The following CDH12 variants were observed in gnomAD, a reference collection of about 807,000 sequenced individuals.
The protein encoded by CDH12 is cadherin-12.
A neutral mutation model predicts 74.1 loss-of-function variants in CDH12; 41 were observed. The ratio of observed to expected loss-of-function variants is 0.55; its 90% CI spans 0.43 to 0.72. The LOEUF is 0.72. CDH12 is among the 30% of genes least tolerant of loss of function. The probability of loss-of-function intolerance (pLI) is 0.00; values close to 1 mark genes in which losing one functional copy is unlikely to be tolerated. For synonymous variants in CDH12, 399 were observed against 355.0 expected (o/e 1.12, Z -1.39); for missense variants, 945 against 977.2 (o/e 0.97, Z 0.44).
At chr5:21,817,270 T>C in intron 8 of CDH12, 138 bp from the exon 9 acceptor site, 2 of 553,350 alleles carry the variant, frequency 3.6e-6, no homozygotes, top group Non-Finnish European at 6.2e-6. Context: ...GGCAATTTGC[T>C]GTCAAGTTAA....
intron 4 of CDH12, among the ~76,000 whole-genome samples, chr5:22,189,558 A>C (rs921453908): frequency 3.9e-5 from 6 of 151,926 alleles, no homozygotes; most frequent in African/African-American, 1.5e-4. Flanking sequence ...ACATAAGTAG[A>C]TATTCGATCT....
intron 1 of CDH12, among the ~76,000 whole-genome samples, chr5:22,703,503 T>TC (rs1348707075): frequency 1.3e-5 from 2 of 152,112 alleles, no homozygotes; most frequent in Non-Finnish European, 1.5e-5. Context: ...AGCACCTTTT[T>TC]CCCCCAAAAT....
chr5:21,761,413 C>T (rs144527938), intron 12 of CDH12, among the ~76,000 whole-genome samples: 1 of 152,170 alleles, frequency 6.6e-6, no homozygotes, highest in African/African-American at 2.4e-5. Flanking sequence ...GGCTTTGAGG[C>T]ATTTATTTAT....
chr5:22,153,887 T>TATAA (rs1421687468), intron 4 of CDH12, among the ~76,000 whole-genome samples: 803 of 70,224 alleles, frequency 0.011, 17 homozygotes, highest in African/African-American at 0.032. Context: ...TATATATATA[T>TATAA]AAATATATAT....
At chr5:22,091,063 A>G (rs1743392924) in intron 4 of CDH12, among the ~76,000 whole-genome samples, 1 of 151,786 alleles carries the variant, frequency 6.6e-6, no homozygotes. Flanking sequence ...CGACATTCTA[A>G]TGGAGGTTTT....
chr5:22,021,826 G>T (rs1198876803), intron 5 of CDH12, among the ~76,000 whole-genome samples: 2 of 152,096 alleles, frequency 1.3e-5, no homozygotes, highest in South Asian at 2.1e-4. Context: ...ATGGACATGT[G>T]GCTGTCCACA....
At chr5:22,299,431 A>T (rs1220878516) in intron 3 of CDH12, among the ~76,000 whole-genome samples, 2 of 152,228 alleles carry the variant, frequency 1.3e-5, no homozygotes, top group African/African-American at 4.8e-5. Context: ...TTGCAGACAC[A>T]TTTGTAAAAA....
At chr5:22,502,024 C>T (rs1736178518) in intron 2 of CDH12, among the ~76,000 whole-genome samples, 1 of 152,092 alleles carries the variant, frequency 6.6e-6, no homozygotes, top group Non-Finnish European at 1.5e-5. Flanking sequence ...GTGAAAAGCT[C>T]ACTTCCAAAA....
intron 2 of CDH12, among the ~76,000 whole-genome samples, chr5:22,437,870 T>C (rs1324522520): frequency 6.6e-6 from 1 of 152,082 alleles, no homozygotes; most frequent in South Asian, 2.1e-4. Flanking sequence ...GTAAAAAATC[T>C]TAACATGTTG....
At chr5:21,758,826 A>T (rs1561158561) in intron 13 of CDH12, among the ~76,000 whole-genome samples, 1 of 152,200 alleles carries the variant, frequency 6.6e-6, no homozygotes, top group African/African-American at 2.4e-5. Context: ...AGCAACATGG[A>T]TGCATCTGGA....
intron 3 of CDH12, among the ~76,000 whole-genome samples, chr5:22,340,600 T>C (rs1341629474): frequency 3.9e-5 from 6 of 152,192 alleles, no homozygotes; most frequent in Non-Finnish European, 7.3e-5. Flanking sequence ...ATAATCTTCA[T>C]TTATTTGGAA....
At chr5:22,282,893 A>G (rs188851147) in intron 3 of CDH12, among the ~76,000 whole-genome samples, 168 of 152,244 alleles carry the variant, frequency 1.1e-3, no homozygotes, top group Middle Eastern at 6.8e-3. Context: ...TACTGAGTGT[A>G]TACCCAAAGG....
chr5:22,474,206 T>G (rs1050566022), intron 2 of CDH12, among the ~76,000 whole-genome samples: 3 of 151,790 alleles, frequency 2.0e-5, no homozygotes, highest in Non-Finnish European at 4.4e-5. Context: ...CGTCAGAGAG[T>G]GAAGTGGCTG....
intron 1 of CDH12, among the ~76,000 whole-genome samples, chr5:22,833,427 A>G (rs1184567847): frequency 6.6e-6 from 1 of 152,218 alleles, no homozygotes; most frequent in East Asian, 1.9e-4. Flanking sequence ...AACTATGCAG[A>G]ATGTTGATGT....
At chr5:22,552,692 G>T (rs2126735949) in intron 1 of CDH12, among the ~76,000 whole-genome samples, 1 of 152,144 alleles carries the variant, frequency 6.6e-6, no homozygotes, top group African/African-American at 2.4e-5. Flanking sequence ...CTCCCAAAGT[G>T]CTGGGATTAC....
chr5:22,617,189 A>T (rs545391347), intron 1 of CDH12, among the ~76,000 whole-genome samples: 1 of 152,102 alleles, frequency 6.6e-6, no homozygotes, highest in East Asian at 1.9e-4. Flanking sequence ...AACACCCTTA[A>T]GAAAGAGGCC....
intron 3 of CDH12, among the ~76,000 whole-genome samples, chr5:22,320,584 C>G (rs535460436): frequency 6.6e-6 from 1 of 152,194 alleles, no homozygotes; most frequent in Admixed American, 6.5e-5. Context: ...AGTGAACAAG[C>G]AAAATCCCAG....
In CDH12 at chr5:22,230,629, C is replaced by T. The variant is rs1470485857; in HGVS notation, c.-332-17986G>A. Among the ~76,000 whole-genome samples the T allele has an allele frequency of 2.0e-5, 3 of 151,972 alleles. No homozygotes were observed. The East Asian group carries it at 5.8e-4, about 30-fold the overall frequency. On this transcript the variant is annotated intron_variant, in intron 3 of 14. Coordinates refer to ENST00000382254, the MANE Select transcript of CDH12 (RefSeq NM_004061.5). ...GGGACTACAGGTGCACGCCACCATGCCCAGCTAATTTTTGTATTTTTAATA... is the reference window on the plus strand; with the variant it reads ...GGGACTACAGGTGCACGCCACCATGTCCAGCTAATTTTTGTATTTTTAATA...
intron 4 of CDH12, among the ~76,000 whole-genome samples, chr5:22,200,348 C>T (rs954751713): frequency 6.6e-6 from 1 of 152,026 alleles, no homozygotes; most frequent in Admixed American, 6.6e-5. Flanking sequence ...TAAATATCAT[C>T]CAGTTATGAA....
Sources: gnomAD v4.1 joint callset for allele counts (sites outside exome capture counted in the v4.1 genomes callset) on GRCh38, gnomAD v4.1.1 for gene constraint, MANE v1.5 for transcripts, NCBI Gene and HGNC (gene_info 2026-07-23, HGNC 2026-07-21) for gene names.